Variants in SPECC1L observed in about 807,000 individuals in gnomAD.
SPECC1L encodes the protein sperm antigen with calponin homology and coiled-coil domains 1 like.
SPECC1L carries 40 observed loss-of-function variants against 116.8 expected under a neutral mutation model. That is an observed-to-expected ratio of 0.34 (90% confidence interval 0.27 to 0.45). SPECC1L has a LOEUF of 0.45. SPECC1L is among the 20% of genes least tolerant of loss of function. The probability of loss-of-function intolerance (pLI) is 1.00; values close to 1 mark genes in which losing one functional copy is unlikely to be tolerated. For synonymous variants in SPECC1L, 504 were observed against 500.6 expected, an observed-to-expected ratio of 1.01 and a Z score of -0.09; for missense variants, 1,110 against 1,373.6, an observed-to-expected ratio of 0.81 and a Z score of 3.03.
rs2040447627 is a variant in SPECC1L at position 24,310,819 on chromosome 22, T to C, written c.154-2494T>C. Among the ~76,000 whole-genome samples, 3 of 152,200 alleles carry C rather than the reference T, an allele frequency of 2.0e-5. No homozygotes were observed. The South Asian group carries it at 6.2e-4, about 31-fold the overall frequency. Reference sequence around the variant, plus strand: ...TGGTTGTACAAAACATTTTAACTTTTTTTAATTAAAAGGATTTTTTATTTT... The same window carrying C: ...TGGTTGTACAAAACATTTTAACTTTCTTTAATTAAAAGGATTTTTTATTTT... On this transcript the variant is annotated intron_variant, in intron 3 of 16. Coordinates refer to ENST00000314328, the MANE Select transcript of SPECC1L (RefSeq NM_015330.6).
chr22:24,310,254 T>G lies in SPECC1L; in HGVS notation c.154-3059T>G, dbSNP rs2040436899. 2.6e-5 allele frequency among the ~76,000 whole-genome samples: 4 copies of G among 152,174 alleles called. No homozygotes were observed. The South Asian group carries it at 8.3e-4, about 32-fold the overall frequency. ...AAAGTGTACTTCATATGCTTTCCTG[T>G]GTATATATAGGCATTTAAGGCGTAC... On this transcript the variant is annotated intron_variant, in intron 3 of 16. Transcript: ENST00000314328.
chr22:24,272,597 G>A (rs1380484603), intron 1 of SPECC1L, among the ~76,000 whole-genome samples: 1 of 151,612 alleles, frequency 6.6e-6, no homozygotes, highest in African/African-American at 2.4e-5. Flanking sequence ...TGCTTAGGAG[G>A]CAGAGGGTGC....
chr22:24,336,252 T>C (rs562570999), intron 9 of SPECC1L, among the ~76,000 whole-genome samples: 2 of 148,250 alleles, frequency 1.3e-5, no homozygotes, highest in South Asian at 4.2e-4. Flanking sequence ...GGCCAGTACA[T>C]ATATATATAT....
At position 24,414,776 on chromosome 22, in the gene SPECC1L, A is replaced by G; in HGVS notation, c.*153A>G. 1 of 684,248 alleles carries G rather than the reference A, an allele frequency of 1.5e-6. No homozygotes were observed. Among genetic ancestry groups the G allele is most frequent in the Non-Finnish European group, 2.6e-6 (1 of 384,372 alleles). The allele number at this position is 684,248 out of a possible 1,614,324, so 42.4% of individuals were successfully genotyped here. A position where few individuals can be genotyped will look rare whatever the true frequency, so the allele number is the denominator to read the frequency against. On this transcript the variant is annotated 3_prime_UTR_variant, in exon 17 of 17. Coordinates refer to ENST00000314328, the MANE Select transcript of SPECC1L (RefSeq NM_015330.6). The stretch of plus-strand genomic sequence containing the variant: ...CTCCAGCTCGGGGCTTCCGTATTGG[A>G]AGAACTCAGCCGTGTGGCCCACAGC...
intron 11 of SPECC1L, among the ~76,000 whole-genome samples, chr22:24,350,470 T>C (rs1200461023): frequency 6.6e-6 from 1 of 152,146 alleles, no homozygotes. Flanking sequence ...TTCTATCCCA[T>C]AGTAAATCTT....
At chr22:24,343,474 T>G (rs997639938) in intron 10 of SPECC1L, 3 of 449,810 alleles carry the variant, frequency 6.7e-6, no homozygotes, top group Non-Finnish European at 1.3e-5. Flanking sequence ...TTGTTTTGTT[T>G]TTTTGAGATG....
chr22:24,396,340 A>G (rs772614397), intron 14 of SPECC1L, among the ~76,000 whole-genome samples: 1 of 150,440 alleles, frequency 6.6e-6, no homozygotes, highest in Non-Finnish European at 1.5e-5. Flanking sequence ...ACAGGGTCTC[A>G]CTCTGTCACC....
At chr22:24,279,053 A>G (rs545277056) in intron 2 of SPECC1L, among the ~76,000 whole-genome samples, 1 of 152,380 alleles carries the variant, frequency 6.6e-6, no homozygotes, top group East Asian at 1.9e-4. Flanking sequence ...CGAAGGATGC[A>G]ACCGAGAGTA....
chr22:24,277,035 TTTCTGCAAA>T (rs2146324907), intron 2 of SPECC1L, among the ~76,000 whole-genome samples: 1 of 152,374 alleles, frequency 6.6e-6, no homozygotes, highest in East Asian at 1.9e-4. Flanking sequence ...CCTTCTGCAT[TTTCTGCAAA>T]TTCTGTTGAA....
At chr22:24,391,420 T>C (rs531045672) in intron 14 of SPECC1L, among the ~76,000 whole-genome samples, 2 of 152,338 alleles carry the variant, frequency 1.3e-5, no homozygotes, top group East Asian at 3.9e-4. Flanking sequence ...AGTTGCTTAG[T>C]GCCATTACCA....
intron 14 of SPECC1L, among the ~76,000 whole-genome samples, chr22:24,377,093 A>G (rs1048287398): frequency 2.6e-5 from 4 of 152,202 alleles, no homozygotes; most frequent in African/African-American, 9.7e-5. Flanking sequence ...TATAAATGGA[A>G]TCACACAATA....
chr22:24,309,598 AC>A (rs2040420112), intron 3 of SPECC1L, among the ~76,000 whole-genome samples: 1 of 152,096 alleles, frequency 6.6e-6, no homozygotes, highest in Non-Finnish European at 1.5e-5. Flanking sequence ...ACGGGGTTTC[AC>A]CATGTTGGCC....
chr22:24,348,055 C>G (rs941267065), intron 11 of SPECC1L, among the ~76,000 whole-genome samples: 1 of 152,134 alleles, frequency 6.6e-6, no homozygotes, highest in Non-Finnish European at 1.5e-5. Flanking sequence ...CCTTCTCTTA[C>G]CCCACGCTGC....
intron 5 of SPECC1L, 49 bp downstream of exon 5, chr22:24,322,967 C>A: frequency 6.2e-7 from 1 of 1,608,826 alleles, no homozygotes; most frequent in South Asian, 1.1e-5. Flanking sequence ...AGGCAGCTGC[C>A]ATGCACAGTG....
chr22:24,400,696 G>A (rs768725296), intron 14 of SPECC1L, among the ~76,000 whole-genome samples: 3 of 152,208 alleles, frequency 2.0e-5, no homozygotes, highest in Non-Finnish European at 4.4e-5. Flanking sequence ...AGTGTCCAAG[G>A]ATTCCAGTAT....
intron 14 of SPECC1L, among the ~76,000 whole-genome samples, chr22:24,389,902 A>G (rs577675126): frequency 1.1e-4 from 16 of 152,256 alleles, no homozygotes; most frequent in African/African-American, 3.9e-4. Flanking sequence ...GCCACTACTC[A>G]TTGCCACCAT....
intron 14 of SPECC1L, among the ~76,000 whole-genome samples, chr22:24,384,167 G>A (rs1381208867): frequency 6.6e-6 from 1 of 151,880 alleles, no homozygotes; most frequent in Admixed American, 6.6e-5. Flanking sequence ...ATACAATTGG[G>A]TTATACCAAA....
In SPECC1L at chr22:24,334,660, T is replaced by A. The variant is rs990123196; in HGVS notation, c.2560+87T>A. The A allele has an allele frequency of 2.8e-6, 4 of 1,425,472 alleles. No homozygotes were observed. In the Admixed American group the frequency reaches 5.0e-5, roughly 18 times the overall value. 88.3% of individuals were successfully genotyped at this position (1,425,472 alleles called of 1,614,324 possible). A position where few individuals can be genotyped will look rare whatever the true frequency, so the allele number is the denominator to read the frequency against. ...TCTGGTCTGATTTGGTATTCTTTAC[T>A]GTCTTACTCTTAGTCCCATTAACTT... On this transcript the variant is annotated intron_variant, in intron 9 of 16. Coordinates refer to ENST00000314328, the MANE Select transcript of SPECC1L (RefSeq NM_015330.6).
chr22:24,323,036 C>A, intron 5 of SPECC1L, 118 bp downstream of exon 5: 1 of 1,439,342 alleles, frequency 6.9e-7, no homozygotes, highest in Non-Finnish European at 9.1e-7. Context: ...TTTTTTAAAA[C>A]TGATATTTTT....
Sources: gnomAD v4.1 joint callset for allele counts (sites outside exome capture counted in the v4.1 genomes callset) on GRCh38, gnomAD v4.1.1 for gene constraint, MANE v1.5 for transcripts, NCBI Gene and HGNC (gene_info 2026-07-23, HGNC 2026-07-21) for gene names.